Variants in SCARB1 observed in about 807,000 individuals in gnomAD.
SCARB1 encodes scavenger receptor class B member 1.
Under a neutral mutation model 57.2 loss-of-function variants are expected in SCARB1, and 30 were observed. That is an observed-to-expected ratio of 0.52 (90% CI 0.39 to 0.71). SCARB1 has a LOEUF of 0.71. SCARB1 is among the 30% of genes least tolerant of loss of function. The probability of loss-of-function intolerance (pLI) is 0.00; values close to 1 mark genes in which losing one functional copy is unlikely to be tolerated. For synonymous variants in SCARB1, 249 were observed against 268.3 expected, an observed-to-expected ratio of 0.93 and a Z score of 0.70; for missense variants, 543 against 671.2, an observed-to-expected ratio of 0.81 and a Z score of 2.11.
At chr12:124,786,016 G>T (rs369261890) in intron 11 of SCARB1, 1 of 1,466,002 alleles carries the variant, frequency 6.8e-7, no homozygotes, top group African/African-American at 1.4e-5. Flanking sequence ...ACTGCTGTAC[G>T]TCCCCTCGCC....
Position 124,826,332 on chromosome 12 carries a change from A to G in SCARB1, c.127-8625T>C, listed in dbSNP as rs953224512. On this transcript the variant is annotated intron_variant, in intron 1 of 12. Coordinates refer to ENST00000261693, the MANE Select transcript of SCARB1 (RefSeq NM_005505.5). ...GGTGACAGAGCGAGACCCTGTCTCA[A>G]AAAAAAAAAAAAAAAAAGAGGTGAC... Among the ~76,000 whole-genome samples, 87 of 138,974 alleles carry G rather than the reference A, an allele frequency of 6.3e-4. 1 individual carries two copies. The highest frequency in any genetic ancestry group is 2.2e-3 in the African/African-American group (72 of 33,238). The allele number at this position is 138,974 out of a possible 152,430, so 91.2% of individuals were successfully genotyped here.
chr12:124,848,984 G>A (rs2135818482), intron 1 of SCARB1, among the ~76,000 whole-genome samples: 1 of 152,352 alleles, frequency 6.6e-6, no homozygotes, highest in East Asian at 1.9e-4. Flanking sequence ...GCTGCTATTT[G>A]AAGTGTGACA....
rs764303338 is a variant in SCARB1 at position 124,796,481 on chromosome 12, C to G, written c.1129-1213G>C. Among the ~76,000 whole-genome samples the G allele has an allele frequency of 3.3e-5, 5 of 152,076 alleles. No homozygotes were observed. The highest frequency in any genetic ancestry group is 4.8e-5 in the African/African-American group (2 of 41,386). On this transcript the variant is annotated intron_variant, in intron 8 of 12. Transcript: ENST00000261693. The surrounding 1 kb of genome is among the most constrained non-coding windows in gnomAD (Gnocchi z 4.0). ...CAGGAAGGTGGTTCCAGAATGAAGT[C>G]AGGAAATGATAGTGGAAATAAAACT... is the stretch of plus-strand genomic sequence containing the variant.
Position 124,814,214 on chromosome 12 carries a change from T to C in SCARB1, c.618A>G (p.Gly206=), listed in dbSNP as rs1950613300. 1 of 1,614,030 alleles carries C rather than the reference T, an allele frequency of 6.2e-7. No homozygotes were observed. The highest frequency in any genetic ancestry group is 1.3e-5 in the African/African-American group (1 of 74,920). ...PGMFPFKDKF[G]LFAELNNSDS... ...AGGCCACACGTACCTCAGCAAATAA[T>C]CCGAACTTGTCCTTGAAGGGGAACA... Residue 206 remains glycine (G), a synonymous_variant, in exon 4 of 13, where the codon GGA becomes GGG. Coordinates refer to ENST00000261693, the MANE Select transcript of SCARB1 (RefSeq NM_005505.5). This position sits in a 1 kb window ranked among gnomAD's most constrained non-coding sequence, Gnocchi z 4.7.
At chr12:124,820,145 G>A (rs1435733989) in intron 1 of SCARB1, among the ~76,000 whole-genome samples, 2 of 152,160 alleles carry the variant, frequency 1.3e-5, no homozygotes, top group Admixed American at 1.3e-4. Flanking sequence ...GCAGCCCATA[G>A]GTGCAAACGA....
rs1168115009 is a variant in SCARB1, at chr12:124,814,030, A to G, written c.630+172T>C. Among the ~76,000 whole-genome samples, 1 of 152,116 alleles carries G rather than the reference A, an allele frequency of 6.6e-6. No homozygotes were observed. The highest frequency in any genetic ancestry group is 1.5e-5 in the Non-Finnish European group (1 of 68,026). On this transcript the variant is annotated intron_variant, in intron 4 of 12. Coordinates refer to ENST00000261693, the MANE Select transcript of SCARB1 (RefSeq NM_005505.5). This position sits in a 1 kb window ranked among gnomAD's most constrained non-coding sequence, Gnocchi z 4.7. ...AGCATTTTCAGTTCTATGAGCCCCA[A>G]CATTCCCCATTTCACTCAAGCCGGT... is the stretch of plus-strand genomic sequence containing the variant.
chr12:124,789,563 G>C lies in SCARB1; in HGVS notation c.1203-2106C>G, dbSNP rs1164047799. Among the ~76,000 whole-genome samples the C allele has an allele frequency of 6.6e-6, 1 of 152,102 alleles. No homozygotes were observed. The highest frequency in any genetic ancestry group is 1.5e-5 in the Non-Finnish European group (1 of 68,022). On this transcript the variant is annotated intron_variant, in intron 9 of 12. Coordinates refer to ENST00000261693, the MANE Select transcript of SCARB1 (RefSeq NM_005505.5). This position sits in a 1 kb window ranked among gnomAD's most constrained non-coding sequence, Gnocchi z 4.4. ...ATGGTTACATCAAGGTTCTGAGATG[G>C]GAAGAGTATCCTGGAATACCTAGGT...
At chr12:124,858,891 A>G (rs1028413600) in intron 1 of SCARB1, among the ~76,000 whole-genome samples, 3 of 152,030 alleles carry the variant, frequency 2.0e-5, no homozygotes, top group African/African-American at 7.2e-5. Context: ...AAAAAAAAAA[A>G]AGAGATGGGA....
At chr12:124,852,423 G>A (rs2135831821) in intron 1 of SCARB1, among the ~76,000 whole-genome samples, 1 of 152,326 alleles carries the variant, frequency 6.6e-6, no homozygotes, top group African/African-American at 2.4e-5. Context: ...TACAGCCCGA[G>A]GAGGGAGGCC....
At position 124,837,472 on chromosome 12, in the gene SCARB1, AAAGGAAGGAAGGAAGG is replaced by A. The variant is rs199725164; in HGVS notation, c.127-19781_127-19766del. Among the ~76,000 whole-genome samples the A allele has an allele frequency of 1.2e-3, 89 of 72,598 alleles. 1 individual carries two copies. Among genetic ancestry groups the A allele is most frequent in the African/African-American group, 3.3e-3 (83 of 25,166 alleles). The allele number at this position is 72,598 out of a possible 152,430, so 47.6% of individuals were successfully genotyped here. A position where few individuals can be genotyped will look rare whatever the true frequency, so the allele number is the denominator to read the frequency against. On this transcript the variant is annotated intron_variant, in intron 1 of 12. Transcript: ENST00000261693. ...GAAAGAAAGAAGGAAAGAAAGAAAG[AAAGGAAGGAAGGAAGG>A]AAGGAAGGAAGGAAGGGAGAAAAAA...
At chr12:124,791,268 A>C (rs1422622303) in intron 9 of SCARB1, among the ~76,000 whole-genome samples, 2 of 152,152 alleles carry the variant, frequency 1.3e-5, no homozygotes, top group Admixed American at 6.5e-5. Context: ...AATAAATCAT[A>C]GCCACGTGTA....
rs776818707 is a variant in SCARB1, at chr12:124,800,169, C to A, written c.1083G>T (p.Leu361=). The A allele has an allele frequency of 3.7e-6, 6 of 1,613,962 alleles. No homozygotes were observed. The highest frequency in any genetic ancestry group is 5.1e-6 in the Non-Finnish European group (6 of 1,179,936). Residue 361 remains leucine (L), a synonymous_variant, in exon 8 of 13, where the codon CTG becomes CTT. Coordinates refer to ENST00000261693, the MANE Select transcript of SCARB1 (RefSeq NM_005505.5). This position sits in a 1 kb window ranked among gnomAD's most constrained non-coding sequence, Gnocchi z 4.8. The part of the protein sequence containing the change: ...DPVLAEAVTG[L]HPNQEAHSLF... ...AGGAGTGTGCCTCCTGGTTAGGGTG[C>A]AGGCCAGTCACCGCTTCTGCCAGAA... is the stretch of plus-strand genomic sequence containing the variant.
At chr12:124,848,412 C>T (rs1474157795) in intron 1 of SCARB1, among the ~76,000 whole-genome samples, 1 of 152,174 alleles carries the variant, frequency 6.6e-6, no homozygotes, top group Non-Finnish European at 1.5e-5. Flanking sequence ...ACAACTATGA[C>T]AAAAAGTGTT....
Position 124,821,658 on chromosome 12 carries a change from G to A in SCARB1, c.127-3951C>T, listed in dbSNP as rs533750520. The stretch of plus-strand genomic sequence containing the variant: ...CAGTTTCCTCAACCATACAATGGGC[G>A]TAAGGAGAGTGTCGCCTCATGGGCT... On this transcript the variant is annotated intron_variant, in intron 1 of 12. Coordinates refer to ENST00000261693, the MANE Select transcript of SCARB1 (RefSeq NM_005505.5). The A allele has an allele frequency of 7.5e-4, 352 of 466,610 alleles. 1 individual carries two copies. The highest frequency in any genetic ancestry group is 6.8e-4 in the Non-Finnish European group (241 of 356,392). The allele number at this position is 466,610 out of a possible 1,614,324, so 28.9% of individuals were successfully genotyped here.
intron 2 of SCARB1, among the ~76,000 whole-genome samples, chr12:124,816,677 G>T (rs1440158107): frequency 6.6e-6 from 1 of 152,120 alleles, no homozygotes; most frequent in Non-Finnish European, 1.5e-5. Context: ...AAGTGGGGGT[G>T]TGGAGGAGGG....
rs371037877 is a variant in SCARB1, at chr12:124,863,678, C to T, written c.43G>A (p.Gly15Ser). The change falls in exon 1 of 13, where the codon GGC (glycine) becomes AGC (serine). Residue 15 changes from glycine (G) to serine (S), a missense_variant. Coordinates refer to ENST00000261693, the MANE Select transcript of SCARB1 (RefSeq NM_005505.5). ...AKARWAAGAL[G>S]VAGLLCAVLG... ...ACAGCGCACAGTAGCCCCGCGACGC[C>T]CAGCGCCCCGGCAGCCCAGCGCGCT... The T allele has an allele frequency of 6.4e-7, 1 of 1,562,962 alleles. No homozygotes were observed. Among genetic ancestry groups the T allele is most frequent in the Non-Finnish European group, 8.7e-7 (1 of 1,155,586 alleles).
chr12:124,837,560 AAAG>A lies in SCARB1; in HGVS notation c.127-19856_127-19854del, dbSNP rs1181554900. Reference sequence around the variant, plus strand: ...AAAGAAAAGAAAAGAAAAGAAAAGAAAAGAAAAGAAAAGAAAAGAAAAGAAAAG... The same window carrying A: ...AAAGAAAAGAAAAGAAAAGAAAAGAAAAAAGAAAAGAAAAGAAAAGAAAAG... On this transcript the variant is annotated intron_variant, in intron 1 of 12. Transcript: ENST00000261693. Among the ~76,000 whole-genome samples, 12 of 13,476 alleles carry A rather than the reference AAAG, an allele frequency of 8.9e-4. 1 individual carries two copies. The highest frequency in any genetic ancestry group is 5.1e-3 in the South Asian group (1 of 196). 8.8% of individuals were successfully genotyped at this position (13,476 alleles called of 152,430 possible).
intron 1 of SCARB1, among the ~76,000 whole-genome samples, chr12:124,838,305 C>T (rs182595406): frequency 4.6e-5 from 7 of 152,344 alleles, no homozygotes; most frequent in East Asian, 1.9e-4. Flanking sequence ...CCTCCCACCC[C>T]GGTCCCCTGA....
intron 1 of SCARB1, among the ~76,000 whole-genome samples, chr12:124,823,687 C>T (rs149042131): frequency 6.6e-6 from 1 of 152,168 alleles, no homozygotes; most frequent in Non-Finnish European, 1.5e-5. Context: ...AGAATGTGCA[C>T]AGCAGCACTG....
Sources: gnomAD v4.1 joint callset for allele counts (sites outside exome capture counted in the v4.1 genomes callset) on GRCh38, gnomAD v4.1.1 for gene constraint, Gnocchi (gnomAD v3.1) non-coding constraint, MANE v1.5 for transcripts, NCBI Gene and HGNC (gene_info 2026-07-23, HGNC 2026-07-21) for gene names.